The following MYO16 variants were observed in gnomAD, a reference collection of about 807,000 sequenced individuals.
MYO16 encodes the protein myosin XVI.
Under a neutral mutation model 205.3 loss-of-function variants are expected in MYO16, and 94 were observed. The ratio of observed to expected loss-of-function variants is 0.46; its 90% CI spans 0.39 to 0.54. The LOEUF is 0.54. Among genes scored for constraint, MYO16 ranks in the 20% least tolerant of loss-of-function variants. MYO16 has a pLI of 0.00. For missense variants in MYO16, 2,315 were observed against 2,387.5 expected, an observed-to-expected ratio of 0.97 and a Z score of 0.63; for synonymous variants, 988 against 954.0, an observed-to-expected ratio of 1.04 and a Z score of -0.66.
At chr13:109,173,887 CAAAAAAAAAAAA>C (rs778094207) in intron 33 of MYO16, among the ~76,000 whole-genome samples, 843 of 29,126 alleles carry the variant, frequency 0.029, 25 homozygotes, top group African/African-American at 0.11. Context: ...GACTCCATCT[CAAAAAAAAAAAA>C]AAAAAAAAAA....
rs1391614636 is a variant in MYO16, at chr13:108,807,419, G to C, written c.867+615G>C. Among the ~76,000 whole-genome samples the C allele has an allele frequency of 2.0e-5, 3 of 150,730 alleles. No homozygotes were observed. In the East Asian group the frequency reaches 5.8e-4, roughly 29 times the overall value. ...TGGGGAAGTTCTTTCAAACAAACAA[G>C]AACATTGTTTGTTTTGACAGCACCT... On this transcript the variant is annotated intron_variant, in intron 7 of 34. Coordinates refer to ENST00000457511, the MANE Select transcript of MYO16 (RefSeq NM_001198950.3).
intron 4 of MYO16, among the ~76,000 whole-genome samples, chr13:108,767,105 TTTTGTTTTG>T (rs1885802827): frequency 2.3e-5 from 3 of 132,652 alleles, no homozygotes; most frequent in East Asian, 3.3e-4. Flanking sequence ...GTTTGTTTTG[TTTTGTTTTG>T]TTTTGAGACA....
rs943332896 is a variant in MYO16 at position 109,162,344 on chromosome 13, C to T, written c.5165-2557C>T. 1.3e-5 allele frequency among the ~76,000 whole-genome samples: 2 copies of T among 152,128 alleles called. No individual in the cohort carries two copies. Among genetic ancestry groups the T allele is most frequent in the Non-Finnish European group, 2.9e-5 (2 of 68,036 alleles). On this transcript the variant is annotated intron_variant, in intron 32 of 34. Transcript: ENST00000457511. This position sits in a 1 kb window ranked among gnomAD's most constrained non-coding sequence, Gnocchi z 4.6. ...TGCTCATTCAAAGCCTTGGGGAAGCCCTCACTGCGCTGAGAATAAAACCTC... is the reference window on the plus strand; with the variant it reads ...TGCTCATTCAAAGCCTTGGGGAAGCTCTCACTGCGCTGAGAATAAAACCTC...
the MYO16 span, among the ~76,000 whole-genome samples, chr13:108,560,329 C>T: frequency 6.6e-6 from 1 of 152,312 alleles, no homozygotes; most frequent in East Asian, 1.9e-4. Context: ...AATGGGCCAC[C>T]TCCCAGAGAC....
At chr13:108,717,449 C>A (rs1206250959) in intron 3 of MYO16, among the ~76,000 whole-genome samples, 1 of 151,640 alleles carries the variant, frequency 6.6e-6, no homozygotes, top group Non-Finnish European at 1.5e-5. Context: ...GCTAACATGA[C>A]GAAACCCTGT....
At chr13:108,559,713 G>T in the MYO16 span, among the ~76,000 whole-genome samples, 1 of 151,714 alleles carries the variant, frequency 6.6e-6, no homozygotes, top group East Asian at 1.9e-4. Context: ...CTCGTGATCC[G>T]CCCACCTCAG....
At chr13:108,877,083 C>T (rs114865465) in intron 12 of MYO16, among the ~76,000 whole-genome samples, 2,691 of 152,214 alleles carry the variant, frequency 0.018, 29 homozygotes, top group Non-Finnish European at 0.025. Flanking sequence ...TTTCTTGTAA[C>T]GACACACAAC....
At chr13:108,955,549 T>C (rs942593569) in intron 16 of MYO16, among the ~76,000 whole-genome samples, 14 of 152,166 alleles carry the variant, frequency 9.2e-5, no homozygotes, top group African/African-American at 3.4e-4. Context: ...ATCACTATCA[T>C]TCAGTCTTAA....
At chr13:108,777,653 G>A (rs1480646127) in intron 4 of MYO16, among the ~76,000 whole-genome samples, 5 of 152,182 alleles carry the variant, frequency 3.3e-5, no homozygotes, top group Non-Finnish European at 5.9e-5. Context: ...CCAGTGAGAG[G>A]AGCCTGTTCC....
chr13:108,838,690 T>TATATACACACAC (rs1487944143), intron 9 of MYO16, among the ~76,000 whole-genome samples: 4 of 135,904 alleles, frequency 2.9e-5, no homozygotes, highest in African/African-American at 1.1e-4. Flanking sequence ...TATATATATA[T>TATATACACACAC]ACACACACAC....
At chr13:109,049,946 G>A (rs1353555735) in intron 24 of MYO16, among the ~76,000 whole-genome samples, 1 of 142,180 alleles carries the variant, frequency 7.0e-6, no homozygotes, top group Non-Finnish European at 1.5e-5. Context: ...GTGTGTGTGT[G>A]TGTGTGTGTG....
chr13:109,196,693 T>C (rs1880172352), intron 34 of MYO16, among the ~76,000 whole-genome samples: 1 of 152,182 alleles, frequency 6.6e-6, no homozygotes, highest in Non-Finnish European at 1.5e-5. Context: ...CCAGTAATAC[T>C]GCCTTGGCCA....
intron 27 of MYO16, among the ~76,000 whole-genome samples, chr13:109,099,500 C>T (rs80035267): frequency 6.6e-5 from 10 of 152,156 alleles, no homozygotes; most frequent in Non-Finnish European, 1.2e-4. Context: ...CTCCTCTAAG[C>T]GCACTAATCC....
intron 27 of MYO16, among the ~76,000 whole-genome samples, chr13:109,061,725 A>T (rs1030272863): frequency 6.6e-6 from 1 of 152,214 alleles, no homozygotes; most frequent in Non-Finnish European, 1.5e-5. Context: ...TAAATATGAC[A>T]GGCATTACCC....
chr13:108,963,355 A>G (rs138381110), intron 19 of MYO16, among the ~76,000 whole-genome samples: 31 of 152,250 alleles, frequency 2.0e-4, no homozygotes, highest in Non-Finnish European at 3.5e-4. Context: ...GAATCTCCCC[A>G]TTGTTCACTC....
intron 14 of MYO16, among the ~76,000 whole-genome samples, chr13:108,893,644 GC>G (rs1267768050): frequency 1.3e-5 from 2 of 152,150 alleles, no homozygotes; most frequent in Non-Finnish European, 2.9e-5. Context: ...TCACTAGGTG[GC>G]CCTAAGAGGA....
At chr13:109,116,084 A>G (rs193074743) in intron 28 of MYO16, among the ~76,000 whole-genome samples, 207 of 152,362 alleles carry the variant, frequency 1.4e-3, no homozygotes, top group African/African-American at 4.6e-3. Flanking sequence ...ACTATATGAA[A>G]TAAAATGGTC....
chr13:108,733,060 T>C (rs1465269341), intron 4 of MYO16, among the ~76,000 whole-genome samples: 1 of 152,216 alleles, frequency 6.6e-6, no homozygotes, highest in Non-Finnish European at 1.5e-5. Context: ...TTTTTCAAGT[T>C]CTTCAGGAAG....
chr13:108,708,797 A>G (rs1883612929), intron 2 of MYO16, among the ~76,000 whole-genome samples: 1 of 152,196 alleles, frequency 6.6e-6, no homozygotes, highest in Non-Finnish European at 1.5e-5. Flanking sequence ...GTGGCAATAC[A>G]GTATCTAGAA....
Sources: gnomAD v4.1 joint callset for allele counts (sites outside exome capture counted in the v4.1 genomes callset) on GRCh38, gnomAD v4.1.1 for gene constraint, Gnocchi (gnomAD v3.1) non-coding constraint, MANE v1.5 for transcripts, NCBI Gene and HGNC (gene_info 2026-07-23, HGNC 2026-07-21) for gene names.